The following MDM2 variants were observed in gnomAD, a reference collection of about 807,000 sequenced individuals.
MDM2 encodes E3 ubiquitin-protein ligase Mdm2.
In MDM2, 11 loss-of-function variants were observed where a neutral mutation model predicts 64.3. The ratio of observed to expected loss-of-function variants is 0.17; its 90% CI spans 0.11 to 0.28. The LOEUF is 0.28. Among genes scored for constraint, MDM2 ranks in the 10% least tolerant of loss-of-function variants. The pLI, the probability that MDM2 is intolerant of heterozygous loss-of-function variation, is 1.00. For synonymous variants in MDM2, 194 were observed against 192.9 expected (o/e 1.01, Z -0.05); for missense variants, 388 against 577.1 (o/e 0.67, Z 3.36).
intron 1 of MDM2, 184 bp from the exon 2 acceptor site, chr12:68,809,024 A>C: frequency 6.7e-7 from 1 of 1,483,248 alleles, no homozygotes; most frequent in Non-Finnish European, 8.9e-7. Context: ...AGCTGTGTTC[A>C]GTGGCGATTG....
downstream of MDM2, chr12:68,847,140 TATATTAC>T (rs1423269966): frequency 1.2e-4 from 13 of 112,214 alleles, no homozygotes; most frequent in African/African-American, 4.6e-4. Flanking sequence ...ATAATATACA[TATATTAC>T]ATATATATAT....
intron 5 of MDM2, among the ~76,000 whole-genome samples, chr12:68,820,939 T>C (rs993737041): frequency 6.6e-6 from 1 of 152,156 alleles, no homozygotes; most frequent in African/African-American, 2.4e-5. Flanking sequence ...TACAACCTAC[T>C]TTCCATGAGA....
At chr12:68,830,986 C>A (rs988484735) in intron 8 of MDM2, among the ~76,000 whole-genome samples, 1 of 152,148 alleles carries the variant, frequency 6.6e-6, no homozygotes, top group South Asian at 2.1e-4. Flanking sequence ...CAGATGTGAG[C>A]CACCTGCCCG....
chr12:68,823,811 A>G (rs1882073205), intron 5 of MDM2, among the ~76,000 whole-genome samples: 1 of 152,226 alleles, frequency 6.6e-6, no homozygotes, highest in Non-Finnish European at 1.5e-5. Flanking sequence ...ATTAAGGAAG[A>G]TTCTGAAGTA....
intron 8 of MDM2, 43 bp downstream of exon 8, chr12:68,828,974 A>C: frequency 6.3e-7 from 1 of 1,593,654 alleles, no homozygotes; most frequent in Non-Finnish European, 8.6e-7. Context: ...TTACTGTTCA[A>C]AGTCTAGTCC....
rs1883678522 is a variant in MDM2 at position 68,840,547 on chromosome 12, T to A, written c.*698T>A. ...GTTTGTTTGTTTTGAGATGAGTCTC[T>A]CTGTCGCCCAGGCTGGAGTGCAGTG... On this transcript the variant is annotated 3_prime_UTR_variant, in exon 11 of 11. Transcript: ENST00000258149. 5.1e-6 allele frequency: 1 copy of A among 196,874 alleles called. No individual in the cohort carries two copies. The allele number at this position is 196,874 out of a possible 1,614,324, so 12.2% of individuals were successfully genotyped here.
intron 1 of MDM2, 43 bp downstream of exon 1, chr12:68,808,534 T>C (rs535066008): frequency 1.2e-6 from 2 of 1,613,486 alleles, no homozygotes; most frequent in South Asian, 2.2e-5. Flanking sequence ...GTCTGGGCTC[T>C]GACGGTGTCC....
intron 8 of MDM2, 75 bp from the exon 9 acceptor site, chr12:68,835,754 A>G (rs889904881): frequency 5.0e-6 from 7 of 1,400,412 alleles, no homozygotes; most frequent in Admixed American, 3.9e-5. Context: ...GCAGAGGCAC[A>G]GGGATGAGTT....
intron 3 of MDM2, chr12:68,814,544 T>C (rs573363279): frequency 2.9e-5 from 10 of 340,504 alleles, no homozygotes; most frequent in Non-Finnish European, 5.8e-5. Context: ...TTTGTGAAAA[T>C]AAGAATAGAA....
intron 5 of MDM2, among the ~76,000 whole-genome samples, chr12:68,823,457 T>G (rs1451475338): frequency 6.6e-6 from 1 of 152,204 alleles, no homozygotes; most frequent in Admixed American, 6.5e-5. Flanking sequence ...TTCACCCAAG[T>G]TGGAATCTTG....
At chr12:68,815,716 T>G in intron 3 of MDM2, 1 of 368,404 alleles carries the variant, frequency 2.7e-6, no homozygotes, top group Non-Finnish European at 5.5e-6. Context: ...GTGCTAGATT[T>G]ACAGGTGTGA....
At chr12:68,836,962 T>TC (rs1220725076) in intron 10 of MDM2, among the ~76,000 whole-genome samples, 1 of 151,624 alleles carries the variant, frequency 6.6e-6, no homozygotes, top group Non-Finnish European at 1.5e-5. Context: ...GAACTTTTTT[T>TC]TTTTTTTTTT....
In MDM2 at chr12:68,843,495, T is replaced by C. The variant is rs1883987450; in HGVS notation, c.*3646T>C. 1 of 222,058 alleles carries C rather than the reference T, an allele frequency of 4.5e-6. No homozygotes were observed. The highest frequency in any genetic ancestry group is 2.5e-5 in the African/African-American group (1 of 40,398). The allele number at this position is 222,058 out of a possible 1,614,324, so 13.8% of individuals were successfully genotyped here. On this transcript the variant is annotated 3_prime_UTR_variant, in exon 11 of 11. Coordinates refer to ENST00000258149, the MANE Select transcript of MDM2 (RefSeq NM_002392.6). Reference sequence around the variant, plus strand: ...TTTCTAATATAAGTATCTCTCAAACTGTGGATTAACTTCTTGATTTATATT... The same window carrying C: ...TTTCTAATATAAGTATCTCTCAAACCGTGGATTAACTTCTTGATTTATATT...
At chr12:68,836,571 A>G in intron 9 of MDM2, 101 bp from the exon 10 acceptor site, 1 of 830,748 alleles carries the variant, frequency 1.2e-6, no homozygotes, top group Non-Finnish European at 2.1e-6. Flanking sequence ...GCTTTCTCAT[A>G]TATTGTAGTA....
At chr12:68,830,996 G>A (rs902713755) in intron 8 of MDM2, among the ~76,000 whole-genome samples, 1 of 151,968 alleles carries the variant, frequency 6.6e-6, no homozygotes, top group African/African-American at 2.4e-5. Flanking sequence ...CCACCTGCCC[G>A]GACCCCTATT....
chr12:68,814,313 C>A (rs1486009776), intron 3 of MDM2, among the ~76,000 whole-genome samples: 2 of 152,194 alleles, frequency 1.3e-5, no homozygotes, highest in Non-Finnish European at 2.9e-5. Context: ...CTTGGCCTCC[C>A]AAAATGCTGG....
Position 68,816,706 on chromosome 12 carries a change from G to A in MDM2, c.175-106G>A, listed in dbSNP as rs532327946. 32 of 993,086 alleles carry A rather than the reference G, an allele frequency of 3.2e-5. No individual in the cohort carries two copies. The South Asian group carries it at 5.3e-4, about 16-fold the overall frequency. The allele number at this position is 993,086 out of a possible 1,614,324, so 61.5% of individuals were successfully genotyped here. ...GGTTGTTCTACATAGTTGTGGATAT[G>A]GTTCCTGGTTGTTTACCCCTATTCA... On this transcript the variant is annotated intron_variant, in intron 3 of 10. Transcript: ENST00000258149.
At chr12:68,827,558 G>C (rs1424898198) in intron 7 of MDM2, among the ~76,000 whole-genome samples, 1 of 152,066 alleles carries the variant, frequency 6.6e-6, no homozygotes, top group East Asian at 1.9e-4. Flanking sequence ...ACCTTGACAT[G>C]GTCTAATCTT....
chr12:68,816,556 A>G (rs1045175924), intron 3 of MDM2, among the ~76,000 whole-genome samples: 1 of 151,802 alleles, frequency 6.6e-6, no homozygotes, highest in Non-Finnish European at 1.5e-5. Flanking sequence ...TATTTTTAGT[A>G]GAGATGGGAC....
Sources: gnomAD v4.1 joint callset for allele counts (sites outside exome capture counted in the v4.1 genomes callset) on GRCh38, gnomAD v4.1.1 for gene constraint, MANE v1.5 for transcripts, NCBI Gene and HGNC (gene_info 2026-07-23, HGNC 2026-07-21) for gene names.